ADGRV1: variants seen among roughly 807,000 people sequenced by gnomAD.
The protein encoded by ADGRV1 is G-protein coupled receptor 98.
A neutral mutation model predicts 596.2 loss-of-function variants in ADGRV1; 359 were observed. That is an observed-to-expected ratio of 0.60 (90% CI 0.55 to 0.66). The LOEUF (loss-of-function observed/expected upper bound fraction) is 0.66, where lower values mean the gene tolerates loss of function less well. ADGRV1 is among the 30% of genes least tolerant of loss of function. ADGRV1 has a pLI of 0.00. For missense variants in ADGRV1, 7,274 were observed against 7,575.6 expected (o/e 0.96, Z 1.48); for synonymous variants, 2,681 against 2,679.2 (o/e 1.00, Z -0.02).
chr5:90,794,734 G>C (rs1168990588), intron 70 of ADGRV1, among the ~76,000 whole-genome samples: 1 of 152,174 alleles, frequency 6.6e-6, no homozygotes, highest in Non-Finnish European at 1.5e-5. Flanking sequence ...CTCCCAGTGA[G>C]ATCGACGCAG....
Position 90,684,245 on chromosome 5 carries a change from A to G in ADGRV1, c.6274+50A>G, listed in dbSNP as rs199628764. The G allele has an allele frequency of 1.4e-4, 199 of 1,460,218 alleles. No homozygotes were observed. The African/African-American group carries it at 2.5e-3, about 18-fold the overall frequency. 90.5% of individuals were successfully genotyped at this position (1,460,218 alleles called of 1,614,324 possible). The stretch of plus-strand genomic sequence containing the variant: ...ATTATTATTAGCTCTCAGAATCCTG[A>G]AACAATCAGTTTTAAATTTTATTTA... On this transcript the variant is annotated intron_variant, in intron 28 of 89. Transcript: ENST00000405460.
intron 59 of ADGRV1, among the ~76,000 whole-genome samples, chr5:90,766,597 G>T (rs1006634398): frequency 6.6e-6 from 1 of 152,104 alleles, no homozygotes; most frequent in African/African-American, 2.4e-5. Context: ...AGAATAACAA[G>T]CATATTACAG....
At chr5:90,906,207 G>C (rs189061852) in intron 83 of ADGRV1, among the ~76,000 whole-genome samples, 1 of 151,946 alleles carries the variant, frequency 6.6e-6, no homozygotes, top group African/African-American at 2.4e-5. Context: ...ACATGTTTTT[G>C]TCTGGTTTTG....
intron 17 of ADGRV1, 86 bp downstream of exon 17, chr5:90,647,850 A>G (rs1768023243): frequency 4.4e-6 from 5 of 1,143,928 alleles, no homozygotes; most frequent in Non-Finnish European, 6.2e-6. Flanking sequence ...TAATGAGGAC[A>G]AGTAGGGCCT....
intron 83 of ADGRV1, among the ~76,000 whole-genome samples, chr5:90,932,614 A>T (rs3105789): frequency 0.56 from 85,069 of 152,092 alleles, 25,067 homozygotes; most frequent in East Asian, 0.99. Flanking sequence ...AAATAGTAAT[A>T]TTCTCCCTGA....
At chr5:90,974,264 G>C (rs1036294165) in intron 84 of ADGRV1, among the ~76,000 whole-genome samples, 46 of 150,562 alleles carry the variant, frequency 3.1e-4, no homozygotes, top group African/African-American at 1.2e-3. Context: ...TGTAAAAATG[G>C]CCATACTGCC....
At chr5:90,866,865 TA>T (rs1458221693) in intron 83 of ADGRV1, among the ~76,000 whole-genome samples, 2 of 152,148 alleles carry the variant, frequency 1.3e-5, no homozygotes, top group East Asian at 3.8e-4. Context: ...ATTTTCAGTT[TA>T]TCAAAAAATG....
rs965624337 is a variant in ADGRV1 at position 90,992,211 on chromosome 5, A to G, written c.18152+6689A>G. Among the ~76,000 whole-genome samples the G allele has an allele frequency of 3.3e-5, 5 of 152,256 alleles. No individual in the cohort carries two copies. The East Asian group carries it at 5.8e-4, about 18-fold the overall frequency. On this transcript the variant is annotated intron_variant, in intron 85 of 89. Transcript: ENST00000405460. ...AAAGTTTCCCACACATCCTTAAAAC[A>G]TGATTCAAATTCTTATTCAAAGGCC... is the stretch of plus-strand genomic sequence containing the variant.
At chr5:90,634,965 G>A (rs539364802) in intron 9 of ADGRV1, 149 bp from the exon 10 acceptor site, 238 of 570,116 alleles carry the variant, frequency 4.2e-4, no homozygotes, top group African/African-American at 4.0e-3. Flanking sequence ...ATTGAAAAGG[G>A]ATGGTGAATG....
chr5:90,803,493 T>C (rs1761599730), intron 71 of ADGRV1, among the ~76,000 whole-genome samples: 1 of 152,186 alleles, frequency 6.6e-6, no homozygotes, highest in Non-Finnish European at 1.5e-5. Flanking sequence ...TTGTGTGATA[T>C]AATTCTATCC....
intron 77 of ADGRV1, among the ~76,000 whole-genome samples, chr5:90,832,115 T>C (rs1242515313): frequency 6.6e-6 from 1 of 152,156 alleles, no homozygotes; most frequent in Non-Finnish European, 1.5e-5. Flanking sequence ...TTTGGGTATA[T>C]ACCTGGGAGT....
chr5:90,721,408 A>G (rs1750920901), intron 45 of ADGRV1, among the ~76,000 whole-genome samples: 2 of 151,742 alleles, frequency 1.3e-5, no homozygotes, highest in Non-Finnish European at 2.9e-5. Context: ...GGAGGCTAAG[A>G]CAGGAGAATG....
At chr5:91,062,774 T>C (rs959221862) in intron 85 of ADGRV1, among the ~76,000 whole-genome samples, 1 of 152,118 alleles carries the variant, frequency 6.6e-6, no homozygotes, top group South Asian at 2.1e-4. Context: ...TTCAGCTGTT[T>C]TTCTTTCTTG....
At chr5:91,097,386 T>C (rs948486825) in intron 86 of ADGRV1, among the ~76,000 whole-genome samples, 6 of 152,210 alleles carry the variant, frequency 3.9e-5, no homozygotes, top group Non-Finnish European at 7.3e-5. Flanking sequence ...TTTCAACATA[T>C]AAAGTTTGGG....
Position 90,810,442 on chromosome 5 carries a change from G to A in ADGRV1, c.15182G>A (p.Gly5061Glu). 1 of 1,613,762 alleles carries A rather than the reference G, an allele frequency of 6.2e-7. No individual in the cohort carries two copies. The highest frequency in any genetic ancestry group is 8.5e-7 in the Non-Finnish European group (1 of 1,179,778). ...GAAGATTTTGAGCCTGTTCAGAATG[G>A]GGAACTGTTTTTTCAAAAATTCCAA... ...PLEDFEPVQNGELFFQKFQTE... is the reference protein window; with the variant it reads ...PLEDFEPVQNEELFFQKFQTE... The change falls in exon 74 of 90, where the codon GGG (glycine) becomes GAG (glutamate). Residue 5061 changes from glycine to glutamate, a missense_variant. Physicochemically the swap from Gly to Glu is moderately conservative, Grantham distance 98. Transcript: ENST00000405460.
At chr5:91,111,967 A>T (rs952904447) in intron 87 of ADGRV1, among the ~76,000 whole-genome samples, 1 of 152,200 alleles carries the variant, frequency 6.6e-6, no homozygotes, top group Non-Finnish European at 1.5e-5. Context: ...AAATTTTCTT[A>T]ATCAGGTTAT....
Position 90,694,478 on chromosome 5 carries a change from T to C in ADGRV1, c.7722T>C (p.Gly2574=). The change falls in exon 33 of 90, where the codon GGT becomes GGC. Residue 2574 remains glycine (G), a synonymous_variant. Transcript: ENST00000405460. ...CTACAGTTGTCATAGCACTAAATGGTGATGCCTTTGGAGTGTTTGTGATCT... is the reference window on the plus strand; with the variant it reads ...CTACAGTTGTCATAGCACTAAATGGCGATGCCTTTGGAGTGTTTGTGATCT... The part of the protein sequence containing the change: ...NISTVVIALN[G]DAFGVFVIYN... The C allele has an allele frequency of 6.2e-7, 1 of 1,613,956 alleles. No homozygotes were observed. Among genetic ancestry groups the C allele is most frequent in the Non-Finnish European group, 8.5e-7 (1 of 1,179,840 alleles).
chr5:91,029,466 A>G (rs1340256025), intron 85 of ADGRV1, among the ~76,000 whole-genome samples: 1 of 152,178 alleles, frequency 6.6e-6, no homozygotes, highest in African/African-American at 2.4e-5. Context: ...CATATGTGCA[A>G]AGTTTCTCTG....
intron 6 of ADGRV1, 68 bp from the exon 7 acceptor site, chr5:90,627,143 T>A: frequency 3.6e-6 from 3 of 825,762 alleles, no homozygotes; most frequent in Non-Finnish European, 5.5e-6. Flanking sequence ...AATGACTTGT[T>A]ACACTTTAGT....
Sources: gnomAD v4.1 joint callset for allele counts (sites outside exome capture counted in the v4.1 genomes callset) on GRCh38, gnomAD v4.1.1 for gene constraint, MANE v1.5 for transcripts, NCBI Gene and HGNC (gene_info 2026-07-23, HGNC 2026-07-21) for gene names.